MIPEP: variants seen among roughly 807,000 people sequenced by gnomAD.
MIPEP encodes the protein mitochondrial intermediate peptidase.
Under a neutral mutation model 90.3 loss-of-function variants are expected in MIPEP, and 79 were observed. That is an observed-to-expected ratio of 0.87 (90% CI 0.73 to 1.05). The LOEUF (loss-of-function observed/expected upper bound fraction) is 1.05. Ranked by LOEUF, MIPEP falls within the 50% of genes least tolerant of loss-of-function variation. The pLI, the probability that MIPEP is intolerant of heterozygous loss-of-function variation, is 0.00. For missense variants in MIPEP, 940 were observed against 905.6 expected, an observed-to-expected ratio of 1.04 and a Z score of -0.49; for synonymous variants, 334 against 315.8, an observed-to-expected ratio of 1.06 and a Z score of -0.61.
At chr13:23,787,852 G>A (rs1026320161) in intron 16 of MIPEP, among the ~76,000 whole-genome samples, 2 of 152,170 alleles carry the variant, frequency 1.3e-5, no homozygotes, top group Admixed American at 6.5e-5. Context: ...CATGATGACA[G>A]GAAATTTCTA....
intron 16 of MIPEP, among the ~76,000 whole-genome samples, chr13:23,778,825 T>G (rs1030077362): frequency 6.6e-6 from 1 of 152,212 alleles, no homozygotes; most frequent in African/African-American, 2.4e-5. Flanking sequence ...GATTTAGATA[T>G]CACCATCTTA....
At chr13:23,851,561 C>T (rs1869798410) in intron 10 of MIPEP, among the ~76,000 whole-genome samples, 1 of 152,190 alleles carries the variant, frequency 6.6e-6, no homozygotes, top group Admixed American at 6.5e-5. Context: ...GCTGGGAACA[C>T]CACAGAGATC....
intron 16 of MIPEP, among the ~76,000 whole-genome samples, chr13:23,777,018 C>T (rs539185777): frequency 3.6e-4 from 55 of 152,172 alleles, no homozygotes; most frequent in African/African-American, 1.1e-3. Flanking sequence ...AATGCTTAAA[C>T]GCCAGTGAGT....
At chr13:23,870,318 A>T in intron 5 of MIPEP, 123 bp from the exon 6 acceptor site, 1 of 473,908 alleles carries the variant, frequency 2.1e-6, no homozygotes. Context: ...TTAATAAAAT[A>T]TTAGTTTAGT....
intron 18 of MIPEP, among the ~76,000 whole-genome samples, chr13:23,745,719 G>C (rs2138495631): frequency 6.6e-6 from 1 of 152,182 alleles, no homozygotes; most frequent in Non-Finnish European, 1.5e-5. Context: ...CTTGAGGTCA[G>C]GAGTTCGAGA....
At position 23,779,791 on chromosome 13, in the gene MIPEP, C is replaced by T. The variant is rs141340486; in HGVS notation, c.1849-19574G>A. Among the ~76,000 whole-genome samples the T allele has an allele frequency of 4.5e-3, 682 of 152,304 alleles. 8 individuals are homozygous for T. The highest frequency in any genetic ancestry group is 0.027 in the Admixed American group (414 of 15,300). On this transcript the variant is annotated intron_variant, in intron 16 of 18. Coordinates refer to ENST00000382172, the MANE Select transcript of MIPEP (RefSeq NM_005932.4). ...GTACTTTTCCAACGGTCTTAGCAAA[C>T]GGCACACGAGGAGATTATATCCCGC... is the stretch of plus-strand genomic sequence containing the variant.
At chr13:23,794,424 C>T (rs1200469464) in intron 16 of MIPEP, among the ~76,000 whole-genome samples, 1 of 152,166 alleles carries the variant, frequency 6.6e-6, no homozygotes, top group Non-Finnish European at 1.5e-5. Flanking sequence ...GGTGATAAGG[C>T]ATAAAGGTAA....
At chr13:23,799,292 G>A (rs1953006059) in intron 16 of MIPEP, among the ~76,000 whole-genome samples, 1 of 151,388 alleles carries the variant, frequency 6.6e-6, no homozygotes, top group Non-Finnish European at 1.5e-5. Flanking sequence ...TTACAGGCAT[G>A]AGCCACCACA....
At chr13:23,795,184 G>A (rs1439584976) in intron 16 of MIPEP, among the ~76,000 whole-genome samples, 1 of 150,974 alleles carries the variant, frequency 6.6e-6, no homozygotes, top group African/African-American at 2.5e-5. Context: ...ATAAGAATAG[G>A]AGGAAACTTC....
chr13:23,837,586 T>TG lies in MIPEP; in HGVS notation c.1508dup (p.Met504AsnfsTer18). 1 of 1,614,018 alleles carries TG rather than the reference T, an allele frequency of 6.2e-7. No homozygotes were observed. The highest frequency in any genetic ancestry group is 8.5e-7 in the Non-Finnish European group (1 of 1,179,882). ...GTTGGTAACGAGTACGTCCTAGCAT[T>TG]GAATGCATGGCATGTCCCATTTCAT... On this transcript the variant is annotated frameshift_variant, in exon 13 of 19. Coordinates refer to ENST00000382172, the MANE Select transcript of MIPEP (RefSeq NM_005932.4). LOFTEE classifies it high-confidence loss of function.
At chr13:23,789,581 G>C (rs923070255) in intron 16 of MIPEP, among the ~76,000 whole-genome samples, 2 of 152,170 alleles carry the variant, frequency 1.3e-5, no homozygotes, top group African/African-American at 4.8e-5. Flanking sequence ...AAGCTTCTTA[G>C]CTTCAGCACA....
intron 10 of MIPEP, 125 bp from the exon 11 acceptor site, chr13:23,841,613 T>C (rs1412695227): frequency 9.6e-7 from 1 of 1,041,170 alleles, no homozygotes; most frequent in African/African-American, 1.6e-5. Context: ...AACATAAAAG[T>C]GTATTTATAT....
At chr13:23,762,682 TA>T (rs1952560143) in intron 16 of MIPEP, among the ~76,000 whole-genome samples, 2 of 152,202 alleles carry the variant, frequency 1.3e-5, no homozygotes, top group Non-Finnish European at 2.9e-5. Flanking sequence ...TGTGGGCCTG[TA>T]ATGGGGCAGC....
intron 16 of MIPEP, chr13:23,766,247 G>A (rs373280674): frequency 5.3e-5 from 8 of 152,316 alleles, no homozygotes; most frequent in African/African-American, 1.9e-4. Context: ...TCCAGGTCTG[G>A]ATCATGCAGA....
intron 14 of MIPEP, among the ~76,000 whole-genome samples, chr13:23,824,844 C>A (rs9507166): frequency 0.62 from 94,328 of 152,036 alleles, 30,431 homozygotes; most frequent in East Asian, 0.78. Context: ...GATTTAAAAA[C>A]CCTTTAAAAA....
chr13:23,861,068 G>T (rs1199297776), intron 9 of MIPEP, among the ~76,000 whole-genome samples: 1 of 152,086 alleles, frequency 6.6e-6, no homozygotes, highest in Non-Finnish European at 1.5e-5. Context: ...CCCATGTGAT[G>T]CTACTGCTTC....
intron 10 of MIPEP, among the ~76,000 whole-genome samples, chr13:23,857,507 C>T (rs1870097870): frequency 6.6e-6 from 1 of 152,154 alleles, no homozygotes; most frequent in Non-Finnish European, 1.5e-5. Flanking sequence ...GAGGTTGAGG[C>T]TACAGTGAGA....
At chr13:23,825,270 C>G (rs1373074928) in intron 14 of MIPEP, among the ~76,000 whole-genome samples, 2 of 152,216 alleles carry the variant, frequency 1.3e-5, no homozygotes, top group Non-Finnish European at 2.9e-5. Flanking sequence ...CCAAAACAAC[C>G]TAAATCTGCC....
At chr13:23,812,197 G>C (rs1261423244) in intron 14 of MIPEP, among the ~76,000 whole-genome samples, 2 of 149,422 alleles carry the variant, frequency 1.3e-5, no homozygotes. Flanking sequence ...TGTAACGCGT[G>C]CAGGGAAGAA....
Sources: gnomAD v4.1 joint callset for allele counts (sites outside exome capture counted in the v4.1 genomes callset) on GRCh38, gnomAD v4.1.1 for gene constraint, MANE v1.5 for transcripts, NCBI Gene and HGNC (gene_info 2026-07-23, HGNC 2026-07-21) for gene names.